The following STPG2 variants were observed in gnomAD, a reference collection of about 807,000 sequenced individuals.
STPG2 encodes the protein sperm-tail PG-rich repeat-containing protein 2.
Under a neutral mutation model 54.2 loss-of-function variants are expected in STPG2, and 56 were observed. That is an observed-to-expected ratio of 1.03 (90% CI 0.83 to 1.29). The LOEUF (loss-of-function observed/expected upper bound fraction) is 1.29. Ranked by LOEUF, STPG2 falls within the 50% of genes most tolerant of loss-of-function variation. The probability of loss-of-function intolerance (pLI) is 0.00; values close to 1 mark genes in which losing one functional copy is unlikely to be tolerated. For missense variants in STPG2, 596 were observed against 544.9 expected, an observed-to-expected ratio of 1.09 and a Z score of -0.93; for synonymous variants, 200 against 181.8, an observed-to-expected ratio of 1.10 and a Z score of -0.81.
At chr4:98,136,000 G>A (rs1221068624) in intron 1 of STPG2, among the ~76,000 whole-genome samples, 2 of 151,558 alleles carry the variant, frequency 1.3e-5, no homozygotes, top group Non-Finnish European at 1.5e-5. Flanking sequence ...CCATAAAGAG[G>A]AGAAAAGTCA....
chr4:97,842,279 G>A (rs1728824850), intron 8 of STPG2, among the ~76,000 whole-genome samples: 1 of 151,726 alleles, frequency 6.6e-6, no homozygotes, highest in South Asian at 2.1e-4. Context: ...AAGAAATGCT[G>A]GACACCATTT....
intron 9 of STPG2, among the ~76,000 whole-genome samples, chr4:97,824,515 A>G (rs908193433): frequency 6.6e-6 from 1 of 152,184 alleles, no homozygotes; most frequent in African/African-American, 2.4e-5. Context: ...TCTGTCAGAA[A>G]GAGGGGTACC....
At chr4:97,625,546 C>G (rs1360371595) in intron 10 of STPG2, among the ~76,000 whole-genome samples, 1 of 152,160 alleles carries the variant, frequency 6.6e-6, no homozygotes, top group East Asian at 1.9e-4. Context: ...AACTCCTGAC[C>G]TCGGGATCCG....
intron 9 of STPG2, among the ~76,000 whole-genome samples, chr4:97,741,532 C>A (rs1284146746): frequency 1.3e-5 from 2 of 152,000 alleles, no homozygotes; most frequent in Admixed American, 6.6e-5. Flanking sequence ...AAACAAACAA[C>A]CCCATCAAAA....
intron 8 of STPG2, among the ~76,000 whole-genome samples, chr4:97,860,689 G>A (rs968511935): frequency 4.6e-5 from 7 of 151,766 alleles, no homozygotes; most frequent in Non-Finnish European, 8.8e-5. Flanking sequence ...TGAGTCGTTG[G>A]GGTTTTCTAG....
At chr4:97,981,707 GT>G (rs1024823012) in intron 5 of STPG2, among the ~76,000 whole-genome samples, 42 of 151,108 alleles carry the variant, frequency 2.8e-4, no homozygotes, top group African/African-American at 1.0e-3. Context: ...TATTGAAAAA[GT>G]TCCTCAACAT....
chr4:97,871,948 A>G (rs945969000), intron 8 of STPG2, among the ~76,000 whole-genome samples: 6 of 151,072 alleles, frequency 4.0e-5, no homozygotes, highest in Admixed American at 1.3e-4. Flanking sequence ...TAAACCATGA[A>G]CAAATGGGGC....
chr4:98,128,332 A>AT, intron 3 of STPG2, 96 bp downstream of exon 3: 11 of 1,175,922 alleles, frequency 9.4e-6, no homozygotes, highest in African/African-American at 1.6e-5. Flanking sequence ...ACGTGTAATC[A>AT]TTTTTTTCTT....
chr4:97,452,505 T>C (rs1052788685), intron 4 of STPG2, among the ~76,000 whole-genome samples: 1 of 152,106 alleles, frequency 6.6e-6, no homozygotes, highest in Non-Finnish European at 1.5e-5. Context: ...CATGGACCAG[T>C]TGGCATGTAC....
chr4:97,442,050 C>T (rs777518165), intron 4 of STPG2, among the ~76,000 whole-genome samples: 3 of 151,290 alleles, frequency 2.0e-5, no homozygotes, highest in African/African-American at 4.9e-5. Context: ...GCAGAAATAC[C>T]TTTTTTTTCA....
intron 4 of STPG2, among the ~76,000 whole-genome samples, chr4:97,492,565 T>C (rs1029637047): frequency 6.6e-6 from 1 of 151,520 alleles, no homozygotes; most frequent in African/African-American, 2.4e-5. Context: ...ATAGTTAGAT[T>C]CCTTTGTTCT....
chr4:97,442,420 A>G (rs1729111301), intron 4 of STPG2, among the ~76,000 whole-genome samples: 1 of 151,742 alleles, frequency 6.6e-6, no homozygotes, highest in Admixed American at 6.6e-5. Context: ...CTAATTGTAG[A>G]AAAAAATTGT....
At chr4:98,106,859 A>C (rs1313726394) in intron 4 of STPG2, among the ~76,000 whole-genome samples, 1 of 152,160 alleles carries the variant, frequency 6.6e-6, no homozygotes, top group African/African-American at 2.4e-5. Context: ...GGCTATACAG[A>C]CCACACTACT....
intron 7 of STPG2, among the ~76,000 whole-genome samples, chr4:97,961,987 G>T (rs1733906982): frequency 6.6e-6 from 1 of 152,148 alleles, no homozygotes; most frequent in African/African-American, 2.4e-5. Flanking sequence ...AGTGGATAAA[G>T]AAACTGTGGT....
intron 4 of STPG2, among the ~76,000 whole-genome samples, chr4:97,451,365 C>A (rs1247647681): frequency 6.6e-6 from 1 of 150,760 alleles, no homozygotes; most frequent in Non-Finnish European, 1.5e-5. Flanking sequence ...ATCCAGACTG[C>A]AGAATATTGA....
intron 9 of STPG2, among the ~76,000 whole-genome samples, chr4:97,809,753 C>A (rs1410464447): frequency 6.6e-6 from 1 of 152,050 alleles, no homozygotes; most frequent in Non-Finnish European, 1.5e-5. Context: ...AGATAAGAAC[C>A]CAGTTTGATC....
chr4:97,823,773 G>A (rs1728165522), intron 9 of STPG2, among the ~76,000 whole-genome samples: 1 of 152,146 alleles, frequency 6.6e-6, no homozygotes, highest in South Asian at 2.1e-4. Context: ...GGGTAAGTGG[G>A]ATGAATTTAC....
chr4:98,134,481 ACCAGCAGATAAGATAAGAGT>A (rs1296785960), intron 1 of STPG2, 22 bp from the exon 2 acceptor site: 1 of 1,449,648 alleles, frequency 6.9e-7, no homozygotes, highest in Non-Finnish European at 9.4e-7. Flanking sequence ...AAATCATATG[ACCAGCAGATAAGATAAGAGT>A]CCAAGGATTT....
intron 9 of STPG2, among the ~76,000 whole-genome samples, chr4:97,821,433 C>T (rs1728087530): frequency 1.3e-5 from 2 of 152,164 alleles, no homozygotes; most frequent in African/African-American, 2.4e-5. Flanking sequence ...TTTCCAGGTG[C>T]AGGGTACAAG....
Sources: allele counts gnomAD v4.1 joint callset (sites outside exome capture counted in the v4.1 genomes callset), GRCh38; gene constraint gnomAD v4.1.1; transcripts MANE v1.5; gene names NCBI Gene and HGNC (gene_info 2026-07-23, HGNC 2026-07-21).